MARCHF6: variants seen among roughly 807,000 people sequenced by gnomAD.
MARCHF6 encodes the protein membrane associated ring-CH-type finger 6.
A neutral mutation model predicts 133.7 loss-of-function variants in MARCHF6; 31 were observed. The ratio of observed to expected loss-of-function variants is 0.23; its 90% CI spans 0.17 to 0.31. The LOEUF (loss-of-function observed/expected upper bound fraction) is 0.31, where lower values mean the gene tolerates loss of function less well. Among genes scored for constraint, MARCHF6 ranks in the 10% least tolerant of loss-of-function variants. The pLI, the probability that MARCHF6 is intolerant of heterozygous loss-of-function variation, is 1.00. For missense variants in MARCHF6, 723 were observed against 1,121.6 expected (o/e 0.64, Z 5.08); for synonymous variants, 395 against 402.5 (o/e 0.98, Z 0.22).
chr5:10,421,020 T>C (rs2126319733), intron 22 of MARCHF6, among the ~76,000 whole-genome samples: 1 of 152,318 alleles, frequency 6.6e-6, no homozygotes, highest in African/African-American at 2.4e-5. Context: ...CTCCATGATG[T>C]GTTACTCCCT....
At chr5:10,373,625 A>G (rs1408681101) in intron 1 of MARCHF6, among the ~76,000 whole-genome samples, 3 of 152,126 alleles carry the variant, frequency 2.0e-5, no homozygotes, top group Non-Finnish European at 4.4e-5. Flanking sequence ...CCCAGGCCAT[A>G]GTCAATGGCC....
intron 5 of MARCHF6, among the ~76,000 whole-genome samples, chr5:10,387,812 C>T (rs762540071): frequency 1.3e-5 from 2 of 152,050 alleles, no homozygotes; most frequent in African/African-American, 2.4e-5. Flanking sequence ...AAGCATGTGG[C>T]AGCAAGCCAG....
chr5:10,423,701 A>G (rs1429182877), intron 22 of MARCHF6, 34 bp from the exon 23 acceptor site: 2 of 1,440,436 alleles, frequency 1.4e-6, no homozygotes, highest in Non-Finnish European at 1.9e-6. Context: ...TTAAAAAACA[A>G]CAGAAATATG....
chr5:10,378,920 GGGGATAAAA>G, intron 3 of MARCHF6, 88 bp downstream of exon 3: 1 of 774,776 alleles, frequency 1.3e-6, no homozygotes, highest in South Asian at 1.7e-5. Flanking sequence ...ACAGAGGAAG[GGGGATAAAA>G]GTGCTTAAGC....
chr5:10,392,023 A>G (rs1004965696), intron 7 of MARCHF6, among the ~76,000 whole-genome samples: 20 of 144,746 alleles, frequency 1.4e-4, no homozygotes, highest in African/African-American at 5.2e-4. Flanking sequence ...CAGTGGCGCT[A>G]TCTCGGCTCA....
At chr5:10,376,879 C>G (rs755369453) in intron 1 of MARCHF6, among the ~76,000 whole-genome samples, 1 of 152,122 alleles carries the variant, frequency 6.6e-6, no homozygotes, top group Non-Finnish European at 1.5e-5. Flanking sequence ...AAGAATTTCC[C>G]GTGAGAGATT....
intron 22 of MARCHF6, among the ~76,000 whole-genome samples, chr5:10,423,000 C>CTT (rs879722632): frequency 7.4e-6 from 1 of 135,634 alleles, no homozygotes; most frequent in African/African-American, 2.7e-5. Flanking sequence ...CATGTGGTTT[C>CTT]TTTTTTTTTT....
At position 10,372,608 on chromosome 5, in the gene MARCHF6, T is replaced by C. The variant is rs550298266; in HGVS notation, c.20-5190T>C. 4.6e-5 allele frequency among the ~76,000 whole-genome samples: 7 copies of C among 152,336 alleles called. 1 individual carries two copies. The South Asian group carries it at 1.5e-3, about 32-fold the overall frequency. On this transcript the variant is annotated intron_variant, in intron 1 of 25. Coordinates refer to ENST00000274140, the MANE Select transcript of MARCHF6 (RefSeq NM_005885.4). ...TAAAGTAACAAATGGATTAATGCACTTGTTCTTCCTCTTGACGAACTCCTT... is the reference window on the plus strand; with the variant it reads ...TAAAGTAACAAATGGATTAATGCACCTGTTCTTCCTCTTGACGAACTCCTT...
At position 10,439,172 on chromosome 5, in the gene MARCHF6, C is replaced by G. The variant is rs1425980882; in HGVS notation, c.*5488C>G. 3.3e-5 allele frequency: 5 copies of G among 152,126 alleles called. No individual in the cohort carries two copies. Among genetic ancestry groups the G allele is most frequent in the Admixed American group, 3.3e-4 (5 of 15,278 alleles). 9.4% of individuals were successfully genotyped at this position (152,126 alleles called of 1,614,324 possible). A position where few individuals can be genotyped will look rare whatever the true frequency, so the allele number is the denominator to read the frequency against. On this transcript the variant is annotated 3_prime_UTR_variant, in exon 26 of 26. Transcript: ENST00000274140. ...GGAACAGAATAGAGTCCAGAAATAACCCAACATGTATGTGGACAACTGGTT... is the reference window on the plus strand; with the variant it reads ...GGAACAGAATAGAGTCCAGAAATAAGCCAACATGTATGTGGACAACTGGTT...
chr5:10,388,741 G>T (rs1270760792), intron 5 of MARCHF6, among the ~76,000 whole-genome samples: 1 of 152,194 alleles, frequency 6.6e-6, no homozygotes, highest in East Asian at 1.9e-4. Flanking sequence ...AAGGGCAAGA[G>T]AAGAAGCTTG....
chr5:10,415,429 A>T, intron 20 of MARCHF6, 59 bp from the exon 21 acceptor site: 2 of 1,423,182 alleles, frequency 1.4e-6, no homozygotes, highest in Non-Finnish European at 2.0e-6. Flanking sequence ...TAACAACATG[A>T]AGATGACAAT....
chr5:10,405,769 C>A, intron 16 of MARCHF6, 92 bp downstream of exon 16: 1 of 1,149,360 alleles, frequency 8.7e-7, no homozygotes, highest in Non-Finnish European at 1.2e-6. Flanking sequence ...CTCAAGCAGG[C>A]TGATAGAGTA....
intron 25 of MARCHF6, 117 bp from the exon 26 acceptor site, chr5:10,433,477 C>T (rs1028794865): frequency 2.7e-6 from 2 of 747,116 alleles, no homozygotes; most frequent in Non-Finnish European, 2.3e-6. Flanking sequence ...TCGGGACTCC[C>T]TTTGACTTGC....
At chr5:10,405,399 T>A (rs1738824410) in intron 15 of MARCHF6, among the ~76,000 whole-genome samples, 159 bp from the exon 16 acceptor site, 1 of 152,176 alleles carries the variant, frequency 6.6e-6, no homozygotes. Context: ...AGATTCTGGT[T>A]TAGGAACTTA....
At chr5:10,375,362 C>G (rs992279452) in intron 1 of MARCHF6, among the ~76,000 whole-genome samples, 16 of 152,254 alleles carry the variant, frequency 1.1e-4, no homozygotes, top group Admixed American at 9.8e-4. Flanking sequence ...GCGCTGTGCT[C>G]GATTTCTTGC....
At position 10,415,239 on chromosome 5, in the gene MARCHF6, C is replaced by T. The variant is rs544011660; in HGVS notation, c.1967-249C>T. Among the ~76,000 whole-genome samples the T allele has an allele frequency of 7.9e-5, 12 of 152,312 alleles. No individual in the cohort carries two copies. The South Asian group carries it at 2.5e-3, about 32-fold the overall frequency. On this transcript the variant is annotated intron_variant, in intron 20 of 25. Coordinates refer to ENST00000274140, the MANE Select transcript of MARCHF6 (RefSeq NM_005885.4). ...TAGACCTAAAAGAATAAGTAATTGG[C>T]ATGACAAATCAGAGTGTATGTCCCA...
At chr5:10,361,514 C>CT (rs1264428913) in intron 1 of MARCHF6, among the ~76,000 whole-genome samples, 2 of 152,104 alleles carry the variant, frequency 1.3e-5, no homozygotes, top group Admixed American at 6.6e-5. Context: ...CTAATCTCTT[C>CT]TTTTTTTAAA....
chr5:10,431,099 CTTA>C (rs1740338188), intron 25 of MARCHF6, among the ~76,000 whole-genome samples: 1 of 152,144 alleles, frequency 6.6e-6, no homozygotes, highest in African/African-American at 2.4e-5. Flanking sequence ...ATAGAGTTAC[CTTA>C]TTTATTCTGA....
At chr5:10,422,588 C>CA (rs1450649463) in intron 22 of MARCHF6, among the ~76,000 whole-genome samples, 1 of 151,976 alleles carries the variant, frequency 6.6e-6, no homozygotes, top group Non-Finnish European at 1.5e-5. Flanking sequence ...TCTACCCAGA[C>CA]AAAAAATCAT....
Sources: allele counts gnomAD v4.1 joint callset (sites outside exome capture counted in the v4.1 genomes callset), GRCh38; gene constraint gnomAD v4.1.1; transcripts MANE v1.5; gene names NCBI Gene and HGNC (gene_info 2026-07-23, HGNC 2026-07-21).